The following GRM5 variants were observed in gnomAD, a reference collection of about 807,000 sequenced individuals.
GRM5 encodes glutamate metabotropic receptor 5, also known as metabotropic glutamate receptor 5.
In GRM5, 19 loss-of-function variants were observed where a neutral mutation model predicts 83.1. The observed-to-expected ratio is 0.23, with a 90% CI of 0.16 to 0.34. The LOEUF (loss-of-function observed/expected upper bound fraction) is 0.34. GRM5 is among the 10% of genes least tolerant of loss of function. GRM5 has a pLI of 1.00. For missense variants in GRM5, 1,160 were observed against 1,588.3 expected, an observed-to-expected ratio of 0.73 and a Z score of 4.58; for synonymous variants, 675 against 633.6, an observed-to-expected ratio of 1.07 and a Z score of -0.98.
intron 3 of GRM5, among the ~76,000 whole-genome samples, chr11:88,712,810 T>A (rs1367895671): frequency 9.2e-5 from 14 of 152,056 alleles, no homozygotes; most frequent in Non-Finnish European, 8.8e-5. Flanking sequence ...AGCAATGACA[T>A]TAGAATCAGA....
chr11:88,860,002 A>G (rs1168663494), intron 2 of GRM5, among the ~76,000 whole-genome samples: 1 of 152,152 alleles, frequency 6.6e-6, no homozygotes, highest in Non-Finnish European at 1.5e-5. Flanking sequence ...GAAAATAGAC[A>G]TACCATATTA....
chr11:88,593,635 G>A (rs1937706163), intron 6 of GRM5, among the ~76,000 whole-genome samples: 3 of 149,088 alleles, frequency 2.0e-5, no homozygotes, highest in African/African-American at 7.5e-5. Flanking sequence ...CCGAGATCGC[G>A]CCACTGCACT....
At chr11:88,753,831 A>G (rs1225612081) in intron 3 of GRM5, among the ~76,000 whole-genome samples, 1 of 152,176 alleles carries the variant, frequency 6.6e-6, no homozygotes, top group Admixed American at 6.6e-5. Flanking sequence ...AGGAGGCCTC[A>G]CAATTATGGC....
intron 2 of GRM5, among the ~76,000 whole-genome samples, chr11:88,970,961 G>A (rs1939149111): frequency 1.3e-5 from 2 of 152,038 alleles, no homozygotes; most frequent in Admixed American, 1.3e-4. Context: ...CTTCCTTTGT[G>A]TGAGCTTTTA....
rs117787451 is a variant in GRM5 at position 88,699,149 on chromosome 11, C to T, written c.912-45746G>A. ...ATTCTCTAAGGGTCATTCTTACTTA[C>T]GGCCTCTAAGAAATTTGGGAATGAC... On this transcript the variant is annotated intron_variant, in intron 3 of 9. Coordinates refer to ENST00000305447, the MANE Select transcript of GRM5 (RefSeq NM_001143831.3). 6.4e-3 allele frequency among the ~76,000 whole-genome samples: 981 copies of T among 152,206 alleles called. 10 individuals are homozygous for T. The highest frequency in any genetic ancestry group is 8.3e-3 in the South Asian group (40 of 4,826).
intron 3 of GRM5, among the ~76,000 whole-genome samples, chr11:88,831,587 C>T (rs1943995019): frequency 6.6e-6 from 1 of 152,206 alleles, no homozygotes; most frequent in Non-Finnish European, 1.5e-5. Flanking sequence ...AGTGCCTGAA[C>T]ATGTCACTTG....
chr11:88,713,106 T>C (rs190209473), intron 3 of GRM5, among the ~76,000 whole-genome samples: 8 of 152,154 alleles, frequency 5.3e-5, no homozygotes, highest in East Asian at 1.9e-4. Context: ...CAGCTTGCAA[T>C]TGTATACCAG....
chr11:88,810,351 T>C (rs1289323797), intron 3 of GRM5, among the ~76,000 whole-genome samples: 2 of 152,116 alleles, frequency 1.3e-5, no homozygotes, highest in Non-Finnish European at 2.9e-5. Context: ...GATTAGTCTC[T>C]GGTGGCATTA....
chr11:88,864,448 T>A (rs997478628), intron 2 of GRM5, among the ~76,000 whole-genome samples: 2 of 151,988 alleles, frequency 1.3e-5, no homozygotes, highest in African/African-American at 2.4e-5. Flanking sequence ...GAATGGGAGT[T>A]CACTCATGAT....
chr11:88,750,570 C>A (rs1232467187), intron 3 of GRM5, among the ~76,000 whole-genome samples: 2 of 152,136 alleles, frequency 1.3e-5, no homozygotes, highest in Non-Finnish European at 2.9e-5. Flanking sequence ...AAACTTAGCT[C>A]TGGATCAAGT....
chr11:89,006,590 G>A (rs573362954), intron 2 of GRM5, among the ~76,000 whole-genome samples: 1 of 152,152 alleles, frequency 6.6e-6, no homozygotes, highest in African/African-American at 2.4e-5. Context: ...TTCATGATTT[G>A]TCCCCTGACT....
At chr11:88,601,520 C>T (rs936521633) in intron 5 of GRM5, among the ~76,000 whole-genome samples, 1 of 151,844 alleles carries the variant, frequency 6.6e-6, no homozygotes, top group African/African-American at 2.4e-5. Context: ...CATTTTTATT[C>T]TACTTAATAT....
intron 9 of GRM5, among the ~76,000 whole-genome samples, chr11:88,515,254 T>A (rs1184043888): frequency 6.6e-6 from 1 of 152,184 alleles, no homozygotes; most frequent in Non-Finnish European, 1.5e-5. Flanking sequence ...GATATTTCCT[T>A]CTCAAATCAA....
intron 4 of GRM5, among the ~76,000 whole-genome samples, chr11:88,635,704 A>G (rs930393571): frequency 6.6e-6 from 1 of 151,902 alleles, no homozygotes; most frequent in Non-Finnish European, 1.5e-5. Flanking sequence ...TTCCTTGTCT[A>G]TTTTTGTTTT....
chr11:88,568,057 A>G, intron 7 of GRM5, 65 bp from the exon 8 acceptor site: 1 of 982,456 alleles, frequency 1.0e-6, no homozygotes, highest in Non-Finnish European at 1.5e-6. Flanking sequence ...CATATCCCTA[A>G]GTTACAAGCA....
At chr11:88,616,225 A>C (rs1938476265) in intron 4 of GRM5, among the ~76,000 whole-genome samples, 1 of 152,100 alleles carries the variant, frequency 6.6e-6, no homozygotes, top group Non-Finnish European at 1.5e-5. Context: ...TCACATTCAA[A>C]ATATAAAGAT....
intron 2 of GRM5, among the ~76,000 whole-genome samples, chr11:88,915,836 G>A (rs1042317097): frequency 2.6e-5 from 4 of 152,114 alleles, no homozygotes; most frequent in Non-Finnish European, 2.9e-5. Flanking sequence ...TTGTTGTGCA[G>A]ACATTATGTT....
intron 2 of GRM5, among the ~76,000 whole-genome samples, chr11:88,930,905 C>T (rs990575597): frequency 1.5e-4 from 22 of 150,522 alleles, no homozygotes; most frequent in African/African-American, 4.2e-4. Flanking sequence ...GATTTATGAA[C>T]CATTTCAATT....
rs1221050983 is a variant in GRM5 at position 88,739,643 on chromosome 11, C to T, written c.912-86240G>A. ...GTTCTCGTGATCACGAGTGAATTCT[C>T]ACGAGACTGGATGGTTTTATAAGTG... On this transcript the variant is annotated intron_variant, in intron 3 of 9. Transcript: ENST00000305447. Among the ~76,000 whole-genome samples, 4 of 152,126 alleles carry T rather than the reference C, an allele frequency of 2.6e-5. No individual in the cohort carries two copies. The East Asian group carries it at 7.8e-4, about 30-fold the overall frequency.
Sources: allele counts gnomAD v4.1 joint callset (sites outside exome capture counted in the v4.1 genomes callset), GRCh38; gene constraint gnomAD v4.1.1; transcripts MANE v1.5; gene names NCBI Gene and HGNC (gene_info 2026-07-23, HGNC 2026-07-21).